The following CCDC144A variants were observed in gnomAD, a reference collection of about 807,000 sequenced individuals.
The protein encoded by CCDC144A is coiled-coil domain-containing protein 144A.
In CCDC144A, 41 loss-of-function variants were observed where a neutral mutation model predicts 143.8. The ratio of observed to expected loss-of-function variants is 0.29; its 90% CI spans 0.22 to 0.37. The LOEUF (loss-of-function observed/expected upper bound fraction) is 0.37. CCDC144A is among the 10% of genes least tolerant of loss of function. The pLI, the probability that CCDC144A is intolerant of heterozygous loss-of-function variation, is 1.00. For synonymous variants in CCDC144A, 242 were observed against 517.9 expected (o/e 0.47, Z 7.23); for missense variants, 637 against 1,488.8 (o/e 0.43, Z 9.41).
At chr17:16,703,542 C>T (rs866910369) in intron 2 of CCDC144A, among the ~76,000 whole-genome samples, 19 of 152,136 alleles carry the variant, frequency 1.2e-4, no homozygotes, top group African/African-American at 4.1e-4. Context: ...TGGTGGCTAA[C>T]GCCTGTAATG....
At chr17:16,684,547 C>A (rs373186613), upstream of CCDC144A, among the ~76,000 whole-genome samples, 1 of 151,308 alleles carries the variant, frequency 6.6e-6, no homozygotes, top group East Asian at 1.9e-4. Context: ...CCCAGCTACT[C>A]GGGAGCCTGA....
At chr17:16,684,393 C>T in the CCDC144A span, among the ~76,000 whole-genome samples, 1 of 152,116 alleles carries the variant, frequency 6.6e-6, no homozygotes. Flanking sequence ...CGGTGGCTCA[C>T]GCCTGTAGTC....
the CCDC144A span, among the ~76,000 whole-genome samples, chr17:16,669,973 G>A: frequency 6.6e-6 from 1 of 152,082 alleles, no homozygotes; most frequent in Non-Finnish European, 1.5e-5. Flanking sequence ...ATGAGATCAG[G>A]AGTTCGAGAC....
chr17:16,763,887 T>C (rs1156770466), intron 14 of CCDC144A, 78 bp from the exon 15 acceptor site: 1 of 1,431,476 alleles, frequency 7.0e-7, no homozygotes, highest in African/African-American at 1.5e-5. Flanking sequence ...ATGGCAACTT[T>C]TAGAACAATC....
At chr17:16,745,571 T>G in intron 12 of CCDC144A, 1 of 1,459,940 alleles carries the variant, frequency 6.8e-7, no homozygotes. Context: ...ACACTCGGGG[T>G]CATTTACACG....
the CCDC144A span, among the ~76,000 whole-genome samples, chr17:16,671,964 C>G: frequency 1.3e-5 from 2 of 152,026 alleles, 1 homozygote; most frequent in South Asian, 4.2e-4. Flanking sequence ...AAATAATTTT[C>G]AAGTACAGTT....
chr17:16,721,976 G>A (rs1367156682), intron 8 of CCDC144A, among the ~76,000 whole-genome samples: 1 of 152,172 alleles, frequency 6.6e-6, no homozygotes, highest in Non-Finnish European at 1.5e-5. Flanking sequence ...TCAGTGCAAT[G>A]CTGACTAAAA....
intron 13 of CCDC144A, 71 bp downstream of exon 13, chr17:16,761,789 A>T (rs1280522891): frequency 7.2e-7 from 1 of 1,380,056 alleles, no homozygotes; most frequent in Non-Finnish European, 9.9e-7. Context: ...TATACATTGT[A>T]CATGTTTTCT....
At chr17:16,734,297 C>T (rs1913895124) in intron 11 of CCDC144A, among the ~76,000 whole-genome samples, 1 of 152,164 alleles carries the variant, frequency 6.6e-6, no homozygotes, top group Admixed American at 6.5e-5. Flanking sequence ...AACATTTCCT[C>T]TGTCCAGATA....
At chr17:16,683,564 T>A in the CCDC144A span, 1 of 1,601,708 alleles carries the variant, frequency 6.2e-7, no homozygotes, top group Non-Finnish European at 8.6e-7. Context: ...TGACCGGGAA[T>A]GAGTGCAAAG....
At chr17:16,669,578 G>A in the CCDC144A span, among the ~76,000 whole-genome samples, 1 of 152,222 alleles carries the variant, frequency 6.6e-6, no homozygotes, top group Non-Finnish European at 1.5e-5. Context: ...GTCTATGTAC[G>A]AAATATGCTA....
upstream of CCDC144A, among the ~76,000 whole-genome samples, chr17:16,685,372 T>TGTTGTTGTTGTTTTTG (rs1461744721): frequency 1.7e-4 from 26 of 151,768 alleles, no homozygotes; most frequent in African/African-American, 5.8e-4. Flanking sequence ...CGCCGTTTTT[T>TGTTGTTGTTGTTTTTG]GTTGTTGTTG....
chr17:16,747,211 G>T (rs1021008633), intron 12 of CCDC144A, among the ~76,000 whole-genome samples: 3 of 152,064 alleles, frequency 2.0e-5, no homozygotes, highest in Admixed American at 6.5e-5. Flanking sequence ...AAGACCCAAT[G>T]GTTGTAGGCA....
In CCDC144A at chr17:16,709,389, A is replaced by G; in HGVS notation, c.1332A>G (p.Gln444=). ...TTATGGTTGAAATGAAAGAAGACCA[A>G]GAGTTTGATTTGCAAATGACAAAAA... The part of the protein sequence containing the change: ...EVVMVEMKED[Q]EFDLQMTKNM... The change falls in exon 5 of 17, where the codon CAA becomes CAG. Residue 444 remains glutamine (Q), a synonymous_variant. Transcript: ENST00000399273. 6.2e-7 allele frequency: 1 copy of G among 1,611,696 alleles called. No individual in the cohort carries two copies. Among genetic ancestry groups the G allele is most frequent in the South Asian group, 1.1e-5 (1 of 90,982 alleles).
upstream of CCDC144A, chr17:16,690,238 C>T: frequency 1.9e-6 from 1 of 518,098 alleles, no homozygotes. Flanking sequence ...TGGCCTTACC[C>T]ACGAGGCTTT....
chr17:16,745,564 C>T, intron 12 of CCDC144A: 1 of 1,432,746 alleles, frequency 7.0e-7, no homozygotes, highest in Non-Finnish European at 9.6e-7. Flanking sequence ...CCCAGTCACA[C>T]TCGGGGTCAT....
chr17:16,768,783 T>C (rs1915709639), intron 15 of CCDC144A, among the ~76,000 whole-genome samples: 1 of 151,724 alleles, frequency 6.6e-6, no homozygotes, highest in Non-Finnish European at 1.5e-5. Flanking sequence ...CTGATTTCAC[T>C]ATATTTCTTT....
intron 3 of CCDC144A, chr17:16,705,774 TA>T (rs1245923719): frequency 3.6e-6 from 1 of 274,064 alleles, no homozygotes; most frequent in Non-Finnish European, 7.0e-6. Context: ...TCACAGCTGT[TA>T]GTTATAACTA....
rs527885409 is a variant in CCDC144A, at chr17:16,732,534, C to G, written c.2290-4C>G. The G allele has an allele frequency of 1.5e-5, 24 of 1,606,588 alleles. No homozygotes were observed. In the South Asian group the frequency reaches 2.5e-4, roughly 17 times the overall value. Reference sequence around the variant, plus strand: ...TTAGACCAAAACCTCCATGTTATCTCTAGGTTGTGCAGGAGAGAAACGATG... The same window carrying G: ...TTAGACCAAAACCTCCATGTTATCTGTAGGTTGTGCAGGAGAGAAACGATG... On this transcript the variant is annotated splice_region_variant and splice_polypyrimidine_tract_variant and intron_variant, in intron 10 of 16. Transcript: ENST00000399273.
Sources: gnomAD v4.1 joint callset for allele counts (sites outside exome capture counted in the v4.1 genomes callset) on GRCh38, gnomAD v4.1.1 for gene constraint, MANE v1.5 for transcripts, NCBI Gene and HGNC (gene_info 2026-07-23, HGNC 2026-07-21) for gene names.